CADM2: variants seen among roughly 807,000 people sequenced by gnomAD.
CADM2 encodes the protein immunoglobulin superfamily member 4D.
CADM2 carries 12 observed loss-of-function variants against 49.8 expected under a neutral mutation model. The ratio of observed to expected loss-of-function variants is 0.24; its 90% CI spans 0.15 to 0.39. CADM2 has a LOEUF of 0.39. Among genes scored for constraint, CADM2 ranks in the 10% least tolerant of loss-of-function variants. The pLI is 1.00. For synonymous variants in CADM2, 214 were observed against 175.4 expected (o/e 1.22, Z -1.74); for missense variants, 378 against 492.3 (o/e 0.77, Z 2.20).
intron 1 of CADM2, among the ~76,000 whole-genome samples, chr3:85,230,971 C>T (rs1175696617): frequency 1.3e-5 from 2 of 151,318 alleles, no homozygotes; most frequent in African/African-American, 2.4e-5. Flanking sequence ...AGTTGAAAAT[C>T]GAAGTGTTGC....
intron 8 of CADM2, among the ~76,000 whole-genome samples, chr3:85,979,492 A>G (rs1727214194): frequency 6.6e-6 from 1 of 151,666 alleles, no homozygotes; most frequent in Admixed American, 6.6e-5. Context: ...TAAGACTATT[A>G]TCAAAATCTT....
intron 3 of CADM2, among the ~76,000 whole-genome samples, chr3:85,821,866 T>C (rs1252068644): frequency 6.6e-6 from 1 of 152,190 alleles, no homozygotes; most frequent in Non-Finnish European, 1.5e-5. Context: ...TATTAGGTTC[T>C]GCAAATATAA....
At chr3:85,934,258 C>CACA (rs1720936357) in intron 6 of CADM2, among the ~76,000 whole-genome samples, 1 of 152,062 alleles carries the variant, frequency 6.6e-6, no homozygotes, top group African/African-American at 2.4e-5. Flanking sequence ...CAGTCTGGTT[C>CACA]ACAACTGTCA....
chr3:85,281,246 CATT>C (rs1368881310), intron 1 of CADM2, among the ~76,000 whole-genome samples: 2 of 151,716 alleles, frequency 1.3e-5, no homozygotes, highest in East Asian at 3.9e-4. Flanking sequence ...TTATCTAAAT[CATT>C]GTGTGTTTGT....
chr3:85,224,127 G>A (rs1311769095), intron 1 of CADM2, among the ~76,000 whole-genome samples: 3 of 152,184 alleles, frequency 2.0e-5, no homozygotes, highest in Admixed American at 2.0e-4. Flanking sequence ...CCAATAGTGT[G>A]ATTGCTGGGT....
At chr3:85,295,177 A>G (rs896971767) in intron 1 of CADM2, among the ~76,000 whole-genome samples, 4 of 152,156 alleles carry the variant, frequency 2.6e-5, no homozygotes, top group Non-Finnish European at 4.4e-5. Context: ...GCAGCCAAAA[A>G]ACACATGTAA....
At chr3:85,631,409 G>T (rs1293140110) in intron 1 of CADM2, among the ~76,000 whole-genome samples, 1 of 152,008 alleles carries the variant, frequency 6.6e-6, no homozygotes, top group African/African-American at 2.4e-5. Flanking sequence ...TTATTCCATG[G>T]ATTATAGCAT....
At chr3:85,459,190 C>A (rs1202201624) in intron 1 of CADM2, among the ~76,000 whole-genome samples, 1 of 152,154 alleles carries the variant, frequency 6.6e-6, no homozygotes, top group African/African-American at 2.4e-5. Flanking sequence ...CTCTGAGATT[C>A]TCCCCATCTT....
At chr3:85,968,296 T>C (rs555361298) in intron 8 of CADM2, among the ~76,000 whole-genome samples, 7 of 151,578 alleles carry the variant, frequency 4.6e-5, no homozygotes, top group Non-Finnish European at 8.9e-5. Flanking sequence ...CAGAGAGAAA[T>C]GGAATGGCAT....
At chr3:85,694,430 A>G (rs2066488162) in intron 1 of CADM2, among the ~76,000 whole-genome samples, 1 of 152,206 alleles carries the variant, frequency 6.6e-6, no homozygotes, top group African/African-American at 2.4e-5. Flanking sequence ...GAGAGAACTC[A>G]GCAGAACTTA....
chr3:85,316,410 A>G (rs2044465121), intron 1 of CADM2, among the ~76,000 whole-genome samples: 1 of 152,164 alleles, frequency 6.6e-6, no homozygotes, highest in Admixed American at 6.5e-5. Flanking sequence ...ATGCGGCTGA[A>G]ATGAGAGATT....
chr3:85,613,965 A>G (rs2063738662), intron 1 of CADM2, among the ~76,000 whole-genome samples: 1 of 151,688 alleles, frequency 6.6e-6, no homozygotes, highest in Non-Finnish European at 1.5e-5. Flanking sequence ...ATAAATGTTC[A>G]TTTATTTAAT....
intron 1 of CADM2, among the ~76,000 whole-genome samples, chr3:85,123,786 A>C (rs1383499359): frequency 6.6e-6 from 1 of 152,182 alleles, no homozygotes; most frequent in Non-Finnish European, 1.5e-5. Context: ...TATTCTTATA[A>C]GGTTACTCAA....
intron 1 of CADM2, among the ~76,000 whole-genome samples, chr3:85,469,610 T>A (rs2038677888): frequency 6.6e-6 from 1 of 152,110 alleles, no homozygotes; most frequent in African/African-American, 2.4e-5. Flanking sequence ...CAATTTAAGT[T>A]AAGAAAATAG....
intron 1 of CADM2, among the ~76,000 whole-genome samples, chr3:85,243,437 A>G (rs1329411582): frequency 6.6e-6 from 1 of 152,106 alleles, no homozygotes; most frequent in Admixed American, 6.6e-5. Flanking sequence ...CCAACTGATT[A>G]TAGGGTCATT....
At chr3:85,815,404 A>G (rs1264641513) in intron 3 of CADM2, among the ~76,000 whole-genome samples, 1 of 152,200 alleles carries the variant, frequency 6.6e-6, no homozygotes, top group African/African-American at 2.4e-5. Flanking sequence ...ACCATGATCA[A>G]GTCGGCTTCA....
chr3:86,060,126 A>G (rs1258752847), intron 8 of CADM2, among the ~76,000 whole-genome samples: 1 of 152,110 alleles, frequency 6.6e-6, no homozygotes. Flanking sequence ...ATGTTAATCT[A>G]TCTCTGAATG....
chr3:84,981,887 A>G (rs1299493022), intron 1 of CADM2, among the ~76,000 whole-genome samples: 2 of 152,202 alleles, frequency 1.3e-5, no homozygotes, highest in African/African-American at 4.8e-5. Flanking sequence ...GGGTGATCAT[A>G]TTCTCTTGCT....
chr3:85,204,633 A>G (rs2041588044), intron 1 of CADM2, among the ~76,000 whole-genome samples: 2 of 152,192 alleles, frequency 1.3e-5, no homozygotes. Flanking sequence ...ATTTCCATCT[A>G]TCACAGTGCT....
Sources: allele counts gnomAD v4.1 joint callset (sites outside exome capture counted in the v4.1 genomes callset), GRCh38; gene constraint gnomAD v4.1.1; transcripts MANE v1.5; gene names NCBI Gene and HGNC (gene_info 2026-07-23, HGNC 2026-07-21).